Variants in MAST2 observed in about 807,000 individuals in gnomAD.
MAST2 encodes microtubule-associated serine/threonine-protein kinase 2.
Under a neutral mutation model 147.4 loss-of-function variants are expected in MAST2, and 70 were observed. That is an observed-to-expected ratio of 0.47 (90% CI 0.39 to 0.58). The LOEUF (loss-of-function observed/expected upper bound fraction) is 0.58, where lower values mean the gene tolerates loss of function less well. Ranked by LOEUF, MAST2 falls within the 20% of genes least tolerant of loss-of-function variation. The probability of loss-of-function intolerance (pLI) is 0.00; values close to 1 mark genes in which losing one functional copy is unlikely to be tolerated. For missense variants in MAST2, 2,080 were observed against 2,302.3 expected, an observed-to-expected ratio of 0.90 and a Z score of 1.98; for synonymous variants, 869 against 896.8, an observed-to-expected ratio of 0.97 and a Z score of 0.55.
Position 46,029,651 on chromosome 1 carries a change from C to T in MAST2, c.2320+84C>T, listed in dbSNP as rs564098799. ...TCATGTACCCTGGAGGTTCAGGCTT[C>T]GGTTACGGGCAGCCCCTCTGGATCC... On this transcript the variant is annotated intron_variant, in intron 19 of 28. Coordinates refer to ENST00000361297, the MANE Select transcript of MAST2 (RefSeq NM_015112.3). 47 of 1,417,500 alleles carry T rather than the reference C, an allele frequency of 3.3e-5. No homozygotes were observed. In the East Asian group the frequency reaches 6.9e-4, roughly 21 times the overall value. The allele number at this position is 1,417,500 out of a possible 1,614,324, so 87.8% of individuals were successfully genotyped here. A position where few individuals can be genotyped will look rare whatever the true frequency, so the allele number is the denominator to read the frequency against.
intron 15 of MAST2, 120 bp from the exon 16 acceptor site, chr1:46,025,557 C>T (rs2149307750): frequency 2.5e-6 from 3 of 1,216,908 alleles, no homozygotes; most frequent in East Asian, 2.4e-5. Context: ...TCAGAGTCTC[C>T]AGCACCAGGA....
intron 3 of MAST2, among the ~76,000 whole-genome samples, chr1:45,842,401 C>CCA (rs1645305624): frequency 6.6e-6 from 1 of 152,162 alleles, no homozygotes; most frequent in Non-Finnish European, 1.5e-5. Context: ...AATACAACTG[C>CCA]CACCTCTATC....
At chr1:46,011,038 C>T (rs1645693890) in intron 10 of MAST2, 99 bp downstream of exon 10, 2 of 1,017,660 alleles carry the variant, frequency 2.0e-6, no homozygotes, top group African/African-American at 1.6e-5. Context: ...TCTCAGTCTT[C>T]ACAGACTGCT....
At chr1:45,866,147 G>T (rs1390636181) in intron 3 of MAST2, among the ~76,000 whole-genome samples, 1 of 152,152 alleles carries the variant, frequency 6.6e-6, no homozygotes, top group Non-Finnish European at 1.5e-5. Context: ...TAAACAAATT[G>T]TATTGTTTCT....
At chr1:45,814,670 C>G (rs1196820213) in intron 1 of MAST2, among the ~76,000 whole-genome samples, 1 of 152,168 alleles carries the variant, frequency 6.6e-6, no homozygotes, top group Non-Finnish European at 1.5e-5. Flanking sequence ...GCCTATAGTT[C>G]CAGCTACTTG....
At chr1:45,834,797 T>G (rs907310668) in intron 3 of MAST2, among the ~76,000 whole-genome samples, 1 of 152,164 alleles carries the variant, frequency 6.6e-6, no homozygotes, top group African/African-American at 2.4e-5. Context: ...CTCCTGAGTA[T>G]GTTAACTAGT....
intron 4 of MAST2, among the ~76,000 whole-genome samples, chr1:45,924,883 A>G (rs900620178): frequency 2.6e-5 from 4 of 152,198 alleles, no homozygotes; most frequent in African/African-American, 9.6e-5. Flanking sequence ...GGAGGTAGCC[A>G]TTTAGAATCC....
Position 45,803,712 on chromosome 1 carries a change from G to C in MAST2, c.-184G>C, listed in dbSNP as rs1266946054. 2 of 351,050 alleles carry C rather than the reference G, an allele frequency of 5.7e-6. No individual in the cohort carries two copies. Among genetic ancestry groups the C allele is most frequent in the Non-Finnish European group, 1.0e-5 (2 of 197,476 alleles). 21.7% of individuals were successfully genotyped at this position (351,050 alleles called of 1,614,324 possible). A position where few individuals can be genotyped will look rare whatever the true frequency, so the allele number is the denominator to read the frequency against. ...TGCTGTCTCTTCCGTGAGGAGCGCA[G>C]AGGAGGTCGCGGCGCCGGAGGCCCC... On this transcript the variant is annotated 5_prime_UTR_variant, in exon 1 of 29. Transcript: ENST00000361297.
chr1:45,924,004 T>C (rs1020623584), intron 4 of MAST2, among the ~76,000 whole-genome samples: 7 of 152,174 alleles, frequency 4.6e-5, no homozygotes, highest in African/African-American at 1.7e-4. Context: ...CCCCAGTAGC[T>C]GGGATTACAG....
chr1:45,962,434 T>C (rs1660564919), intron 5 of MAST2, among the ~76,000 whole-genome samples: 1 of 152,156 alleles, frequency 6.6e-6, no homozygotes, highest in Admixed American at 6.5e-5. Context: ...CAGCACCTGT[T>C]GTTTCCTGAC....
At chr1:45,961,675 C>T (rs1254333509) in intron 5 of MAST2, among the ~76,000 whole-genome samples, 1 of 152,176 alleles carries the variant, frequency 6.6e-6, no homozygotes, top group Non-Finnish European at 1.5e-5. Context: ...CAGTTTGTGA[C>T]TGTAGACTAT....
intron 21 of MAST2, 79 bp downstream of exon 21, chr1:46,030,317 G>A (rs1287129628): frequency 2.8e-6 from 4 of 1,407,264 alleles, no homozygotes; most frequent in Non-Finnish European, 2.0e-6. Flanking sequence ...GCACACCTGG[G>A]GCAGGCTCAG....
chr1:45,849,563 G>C (rs1301748516), intron 3 of MAST2, among the ~76,000 whole-genome samples: 1 of 147,208 alleles, frequency 6.8e-6, no homozygotes, highest in Non-Finnish European at 1.5e-5. Context: ...GTCTCTCTCT[G>C]TCACCCAGGC....
At chr1:46,002,666 T>C in intron 6 of MAST2, 139 bp from the exon 7 acceptor site, 2 of 705,790 alleles carry the variant, frequency 2.8e-6, no homozygotes, top group Admixed American at 2.0e-5. Flanking sequence ...TAAAAGCATG[T>C]ACTGGACTGA....
Position 46,034,218 on chromosome 1 carries a change from C to G in MAST2, c.3820C>G (p.Arg1274Gly). 1 of 1,614,056 alleles carries G rather than the reference C, an allele frequency of 6.2e-7. No individual in the cohort carries two copies. Among genetic ancestry groups the G allele is most frequent in the Non-Finnish European group, 8.5e-7 (1 of 1,179,964 alleles). ...SPTHSHSLSPRSPTQGYRVTP... is the reference protein window; with the variant it reads ...SPTHSHSLSPGSPTQGYRVTP... ...CACACACAGCCACAGCCTTTCCCCCCGATCTCCCACTCAAGGCTACCGGGT... is the reference window on the plus strand; with the variant it reads ...CACACACAGCCACAGCCTTTCCCCCGGATCTCCCACTCAAGGCTACCGGGT... The change falls in exon 28 of 29, where the codon CGA (arginine) becomes GGA (glycine). Residue 1274 changes from arginine to glycine, a missense_variant. Physicochemically the swap from Arg to Gly is moderately radical, Grantham distance 125 (BLOSUM62 -2). Transcript: ENST00000361297.
At chr1:45,832,039 C>CA (rs1337961734) in intron 3 of MAST2, among the ~76,000 whole-genome samples, 2 of 152,106 alleles carry the variant, frequency 1.3e-5, no homozygotes, top group Non-Finnish European at 2.9e-5. Flanking sequence ...CTCGGCCTCT[C>CA]AAAGTGCTGG....
intron 3 of MAST2, among the ~76,000 whole-genome samples, chr1:45,839,202 C>T (rs1645198524): frequency 6.8e-6 from 1 of 147,156 alleles, no homozygotes; most frequent in Non-Finnish European, 1.5e-5. Context: ...GGTCTCAGCT[C>T]ACTGCGACCT....
chr1:45,945,426 A>G (rs1657884723), intron 4 of MAST2, among the ~76,000 whole-genome samples: 1 of 152,364 alleles, frequency 6.6e-6, no homozygotes, highest in African/African-American at 2.4e-5. Flanking sequence ...AAAAATGACC[A>G]TGATGATACT....
At chr1:45,997,462 A>T (rs1645102291) in intron 5 of MAST2, among the ~76,000 whole-genome samples, 1 of 152,136 alleles carries the variant, frequency 6.6e-6, no homozygotes, top group African/African-American at 2.4e-5. Context: ...GTGTGTTCCT[A>T]GGAGGGCAGG....
Sources: gnomAD v4.1 joint callset for allele counts (sites outside exome capture counted in the v4.1 genomes callset) on GRCh38, gnomAD v4.1.1 for gene constraint, MANE v1.5 for transcripts, NCBI Gene and HGNC (gene_info 2026-07-23, HGNC 2026-07-21) for gene names.